The following ARHGAP24 variants were observed in gnomAD, a reference collection of about 807,000 sequenced individuals.
ARHGAP24 encodes the protein Rho GTPase activating protein 24, also known as rho GTPase-activating protein 24.
In ARHGAP24, 50 loss-of-function variants were observed where a neutral mutation model predicts 76.4. The observed-to-expected ratio is 0.65, with a 90% CI of 0.52 to 0.83. ARHGAP24 has a LOEUF of 0.83. ARHGAP24 is among the 40% of genes least tolerant of loss of function. ARHGAP24 has a pLI of 0.00. For missense variants in ARHGAP24, 930 were observed against 914.2 expected (o/e 1.02, Z -0.22); for synonymous variants, 345 against 323.3 (o/e 1.07, Z -0.72).
intron 3 of ARHGAP24, among the ~76,000 whole-genome samples, chr4:85,805,276 C>A (rs943972529): frequency 5.9e-5 from 9 of 152,122 alleles, no homozygotes; most frequent in Non-Finnish European, 8.8e-5. Flanking sequence ...ATTCCCCTTG[C>A]GTCCTTTCGA....
intron 1 of ARHGAP24, among the ~76,000 whole-genome samples, chr4:85,507,863 T>A (rs1188770656): frequency 6.6e-6 from 1 of 152,178 alleles, no homozygotes; most frequent in East Asian, 1.9e-4. Flanking sequence ...AACAAATGAA[T>A]GGGAGTTTCC....
chr4:85,509,498 A>C (rs1724195622), intron 1 of ARHGAP24, among the ~76,000 whole-genome samples: 1 of 152,094 alleles, frequency 6.6e-6, no homozygotes, highest in Non-Finnish European at 1.5e-5. Flanking sequence ...GTGTTACAAA[A>C]ACAAAATTCT....
chr4:85,551,466 CA>C (rs1347010538), intron 1 of ARHGAP24, among the ~76,000 whole-genome samples: 2 of 152,256 alleles, frequency 1.3e-5, no homozygotes, highest in African/African-American at 2.4e-5. Flanking sequence ...CTATGTGCAT[CA>C]AGGATATCGG....
intron 1 of ARHGAP24, among the ~76,000 whole-genome samples, chr4:85,558,840 T>A (rs931179): frequency 5.9e-5 from 9 of 152,128 alleles, no homozygotes; most frequent in Non-Finnish European, 1.0e-4. Flanking sequence ...AATGACTATC[T>A]CCATCAAAGT....
chr4:85,970,683 A>T (rs1283489543), intron 5 of ARHGAP24, among the ~76,000 whole-genome samples: 1 of 151,888 alleles, frequency 6.6e-6, no homozygotes, highest in African/African-American at 2.4e-5. Flanking sequence ...GAGGCAGGAA[A>T]CCCCAGTGCC....
chr4:85,701,816 G>C (rs1241067888), intron 2 of ARHGAP24, among the ~76,000 whole-genome samples: 4 of 152,084 alleles, frequency 2.6e-5, no homozygotes, highest in Non-Finnish European at 5.9e-5. Flanking sequence ...ATGTGTGTTT[G>C]TATAATACAA....
chr4:85,660,387 T>C lies in ARHGAP24; in HGVS notation c.181-61498T>C, dbSNP rs1722331586. On this transcript the variant is annotated intron_variant, in intron 2 of 9. Coordinates refer to ENST00000395184, the MANE Select transcript of ARHGAP24 (RefSeq NM_001025616.3). ...CTTTAAAATGTATCCTCCATGTAAG[T>C]ATAACAAAACAGAGTGATTTATTCA... 3.3e-5 allele frequency among the ~76,000 whole-genome samples: 5 copies of C among 152,326 alleles called. No individual in the cohort carries two copies. In the South Asian group the frequency reaches 1.0e-3, roughly 32 times the overall value.
At position 85,550,197 on chromosome 4, in the gene ARHGAP24, C is replaced by T. The variant is rs186486141; in HGVS notation, c.-20-20325C>T. Reference sequence around the variant, plus strand: ...TCACCAAACTGCTTTTCACAATGGCCGAACAAATTTACATACCCACCATAT... The same window carrying T: ...TCACCAAACTGCTTTTCACAATGGCTGAACAAATTTACATACCCACCATAT... On this transcript the variant is annotated intron_variant, in intron 1 of 9. Transcript: ENST00000395184. 2.2e-3 allele frequency among the ~76,000 whole-genome samples: 342 copies of T among 152,166 alleles called. 1 individual carries two copies. Among genetic ancestry groups the T allele is most frequent in the African/African-American group, 7.6e-3 (317 of 41,516 alleles).
rs191177749 is a variant in ARHGAP24 at position 85,848,270 on chromosome 4, G to A, written c.269-75378G>A. On this transcript the variant is annotated intron_variant, in intron 3 of 9. Transcript: ENST00000395184. Reference sequence around the variant, plus strand: ...ACATATATATACATGTGCCATGTTGGTTTGCTGCACCCATTAACTCGTCAT... The same window carrying A: ...ACATATATATACATGTGCCATGTTGATTTGCTGCACCCATTAACTCGTCAT... 5.3e-5 allele frequency among the ~76,000 whole-genome samples: 8 copies of A among 152,192 alleles called. No individual in the cohort carries two copies. The East Asian group carries it at 1.5e-3, about 29-fold the overall frequency.
chr4:85,708,091 T>C (rs912442160), intron 2 of ARHGAP24, among the ~76,000 whole-genome samples: 3 of 152,160 alleles, frequency 2.0e-5, no homozygotes, highest in African/African-American at 7.2e-5. Context: ...AAAATGAACC[T>C]GAAAACTCAC....
intron 3 of ARHGAP24, among the ~76,000 whole-genome samples, chr4:85,830,878 C>T (rs1288066446): frequency 6.6e-6 from 1 of 152,034 alleles, no homozygotes; most frequent in Non-Finnish European, 1.5e-5. Context: ...AGGTGATTCT[C>T]CGTTGGAAAC....
chr4:85,894,756 T>C (rs917195268), intron 3 of ARHGAP24, among the ~76,000 whole-genome samples: 8 of 151,144 alleles, frequency 5.3e-5, no homozygotes, highest in African/African-American at 1.9e-4. Context: ...AGCTCAGGAG[T>C]TAGAGGCCAG....
chr4:85,932,514 T>C, intron 4 of ARHGAP24, among the ~76,000 whole-genome samples: 1 of 150,744 alleles, frequency 6.6e-6, no homozygotes, highest in South Asian at 2.1e-4. Flanking sequence ...CTGTTCCCGA[T>C]GCCTTCCTCC....
intron 3 of ARHGAP24, among the ~76,000 whole-genome samples, chr4:85,874,426 G>T (rs886763505): frequency 7.9e-5 from 12 of 152,090 alleles, no homozygotes; most frequent in African/African-American, 2.7e-4. Context: ...CTGTTGAAAA[G>T]CTGAGCAGTT....
intron 3 of ARHGAP24, among the ~76,000 whole-genome samples, chr4:85,789,537 C>G (rs1728022300): frequency 6.6e-6 from 1 of 152,038 alleles, no homozygotes; most frequent in South Asian, 2.1e-4. Context: ...ATAATAGAAC[C>G]AACATCTGAT....
intron 3 of ARHGAP24, among the ~76,000 whole-genome samples, chr4:85,755,925 G>A (rs778893761): frequency 6.6e-6 from 1 of 152,066 alleles, no homozygotes; most frequent in African/African-American, 2.4e-5. Flanking sequence ...GAGCCACCGC[G>A]CTAGGCCTGG....
At chr4:85,855,772 G>GA (rs11406317) in intron 3 of ARHGAP24, among the ~76,000 whole-genome samples, 90,573 of 140,702 alleles carry the variant, frequency 0.64, 29,322 homozygotes, top group Middle Eastern at 0.77. Flanking sequence ...AAGCAAAAAA[G>GA]AAAAAAAAAA....
At chr4:85,690,295 G>T (rs1723584638) in intron 2 of ARHGAP24, among the ~76,000 whole-genome samples, 1 of 152,118 alleles carries the variant, frequency 6.6e-6, no homozygotes, top group Non-Finnish European at 1.5e-5. Context: ...TGTCTGCCAG[G>T]TTTTGGTATT....
chr4:85,770,884 G>T (rs776739374), intron 3 of ARHGAP24, among the ~76,000 whole-genome samples: 1 of 152,168 alleles, frequency 6.6e-6, no homozygotes, highest in Non-Finnish European at 1.5e-5. Flanking sequence ...CTCAGAGAAC[G>T]TTGCAGGAGT....
Sources: gnomAD v4.1 joint callset for allele counts (sites outside exome capture counted in the v4.1 genomes callset) on GRCh38, gnomAD v4.1.1 for gene constraint, MANE v1.5 for transcripts, NCBI Gene and HGNC (gene_info 2026-07-23, HGNC 2026-07-21) for gene names.